Variants in SLC38A8 observed in about 807,000 individuals in gnomAD.
The protein encoded by SLC38A8 is amino acid transporter SLC38A8.
SLC38A8 carries 65 observed loss-of-function variants against 46.0 expected under a neutral mutation model. The ratio of observed to expected loss-of-function variants is 1.41; its 90% CI spans 1.16 to 1.74. SLC38A8 has a LOEUF of 1.74. Ranked by LOEUF, SLC38A8 falls within the 40% of genes most tolerant of loss-of-function variation. The pLI is 0.00. For synonymous variants in SLC38A8, 447 were observed against 243.7 expected (o/e 1.83, Z -7.77); for missense variants, 998 against 567.9 (o/e 1.76, Z -7.70).
chr16:84,014,811 T>C (rs13336403), intron 9 of SLC38A8, among the ~76,000 whole-genome samples: 11,150 of 152,252 alleles, frequency 0.073, 1,350 homozygotes, highest in African/African-American at 0.26. Context: ...CTTTTCATAT[T>C]CCACACATCA....
At chr16:84,014,926 C>T (rs921633207) in intron 9 of SLC38A8, among the ~76,000 whole-genome samples, 14 of 149,924 alleles carry the variant, frequency 9.3e-5, no homozygotes, top group Non-Finnish European at 1.8e-4. Context: ...TTACCTGGGA[C>T]CCTGAACAAT....
chr16:84,011,600 C>T (rs1453965983), intron 10 of SLC38A8, among the ~76,000 whole-genome samples: 4 of 152,210 alleles, frequency 2.6e-5, no homozygotes, highest in African/African-American at 7.2e-5. Flanking sequence ...TTCATGTCTA[C>T]CTGGAACCTG....
chr16:84,020,879 A>T (rs1020508188), intron 7 of SLC38A8, among the ~76,000 whole-genome samples: 1 of 152,150 alleles, frequency 6.6e-6, no homozygotes, highest in Non-Finnish European at 1.5e-5. Flanking sequence ...GCTGCACTCT[A>T]TACGGCCAGG....
intron 2 of SLC38A8, among the ~76,000 whole-genome samples, chr16:84,041,653 G>A (rs1027720259): frequency 1.1e-4 from 16 of 152,160 alleles, no homozygotes; most frequent in Admixed American, 7.9e-4. Context: ...GCAAGAAAGA[G>A]CAGCTGGCCA....
chr16:84,034,454 G>A lies in SLC38A8; in HGVS notation c.389-985C>T, dbSNP rs370482109. 4.3e-3 allele frequency among the ~76,000 whole-genome samples: 651 copies of A among 152,306 alleles called. 5 individuals are homozygous for A. The highest frequency in any genetic ancestry group is 0.014 in the African/African-American group (586 of 41,560). ...AGATGGGGGAGGGGAAAGCACAGGCGAGTGGGAGGGTGGTTGGAGGTGGGA... is the reference window on the plus strand; with the variant it reads ...AGATGGGGGAGGGGAAAGCACAGGCAAGTGGGAGGGTGGTTGGAGGTGGGA... On this transcript the variant is annotated intron_variant, in intron 3 of 10. Transcript: ENST00000299709.
intron 9 of SLC38A8, among the ~76,000 whole-genome samples, chr16:84,013,699 G>C (rs771260293): frequency 6.6e-6 from 1 of 151,198 alleles, no homozygotes; most frequent in Admixed American, 6.6e-5. Context: ...AAAGTGCTGG[G>C]ATTACAGGCA....
rs2085304372 is a variant in SLC38A8 at position 84,036,774 on chromosome 16, C to T, written c.316G>A (p.Ala106Thr). Residue 106 changes from alanine (A) to threonine (T), a missense_variant, in exon 3 of 11, where the codon GCC becomes ACC. Coordinates refer to ENST00000299709, the MANE Select transcript of SLC38A8 (RefSeq NM_001080442.3). ...CGPAIGKLCE[A>T]CFLLNLLMIS... Reference sequence around the variant, plus strand: ...ATGAGCAGGTTGAGGAGGAAGCAGGCCTCACACAGCTTCCCAATGGCAGGG... The same window carrying T: ...ATGAGCAGGTTGAGGAGGAAGCAGGTCTCACACAGCTTCCCAATGGCAGGG... The T allele has an allele frequency of 6.2e-7, 1 of 1,614,096 alleles. No individual in the cohort carries two copies. Among genetic ancestry groups the T allele is most frequent in the Non-Finnish European group, 8.5e-7 (1 of 1,180,042 alleles).
In SLC38A8 at chr16:84,021,202, A is replaced by G. The variant is rs539821912; in HGVS notation, c.805+1573T>C. ...CTCAACCTCCCAAGCAGCTGGGATT[A>G]CAGGTGCCCCGCCACCATGCTCGGC... On this transcript the variant is annotated intron_variant, in intron 7 of 10. Transcript: ENST00000299709. Among the ~76,000 whole-genome samples, 4 of 152,304 alleles carry G rather than the reference A, an allele frequency of 2.6e-5. No individual in the cohort carries two copies. In the East Asian group the frequency reaches 7.7e-4, roughly 29 times the overall value.
chr16:84,041,036 C>T (rs917762524), intron 2 of SLC38A8: 6 of 152,274 alleles, frequency 3.9e-5, no homozygotes, highest in Non-Finnish European at 7.3e-5. Context: ...TGCCGTAAGA[C>T]GTGTGAGAAA....
At chr16:84,022,470 G>A (rs2085106280) in intron 7 of SLC38A8, among the ~76,000 whole-genome samples, 1 of 152,230 alleles carries the variant, frequency 6.6e-6, no homozygotes, top group South Asian at 2.1e-4. Flanking sequence ...TTGAACAGCA[G>A]GCAGCAGGGC....
intron 9 of SLC38A8, among the ~76,000 whole-genome samples, chr16:84,015,248 T>A (rs2085011389): frequency 6.6e-6 from 1 of 152,076 alleles, no homozygotes; most frequent in Non-Finnish European, 1.5e-5. Flanking sequence ...TGTTCTGGGC[T>A]CCAGTGGGCC....
intron 4 of SLC38A8, among the ~76,000 whole-genome samples, chr16:84,032,625 G>C (rs905636331): frequency 6.6e-6 from 1 of 152,232 alleles, no homozygotes; most frequent in Non-Finnish European, 1.5e-5. Context: ...CTTGAGAGGG[G>C]ACAAGCCGCC....
intron 9 of SLC38A8, among the ~76,000 whole-genome samples, chr16:84,013,436 T>TC (rs1266970083): frequency 1.6e-5 from 2 of 126,182 alleles, no homozygotes; most frequent in African/African-American, 5.8e-5. Flanking sequence ...TTTTTTTTTT[T>TC]TTTTTTTTTT....
intron 7 of SLC38A8, among the ~76,000 whole-genome samples, chr16:84,018,200 G>A (rs79526165): frequency 9.5e-5 from 14 of 147,140 alleles, no homozygotes; most frequent in Non-Finnish European, 1.8e-4. Context: ...TAGCAAGGAT[G>A]AGCTCTGACT....
intron 6 of SLC38A8, among the ~76,000 whole-genome samples, chr16:84,028,896 C>T (rs748286144): frequency 1.8e-4 from 28 of 152,164 alleles, no homozygotes; most frequent in Non-Finnish European, 2.6e-4. Flanking sequence ...CCACCTTGAG[C>T]GGACACCTCT....
intron 6 of SLC38A8, among the ~76,000 whole-genome samples, chr16:84,029,037 A>C (rs2085203585): frequency 6.6e-6 from 1 of 151,446 alleles, no homozygotes; most frequent in South Asian, 2.1e-4. Context: ...CAGCTCCTCT[A>C]CCCTGTACCC....
chr16:84,031,997 G>T, intron 4 of SLC38A8, 29 bp from the exon 5 acceptor site: 1 of 1,586,600 alleles, frequency 6.3e-7, no homozygotes. Flanking sequence ...GAGGGGCTGC[G>T]CAGTGGGTGA....
intron 10 of SLC38A8, among the ~76,000 whole-genome samples, chr16:84,012,395 A>C (rs1351518510): frequency 3.3e-5 from 5 of 152,196 alleles, no homozygotes; most frequent in Non-Finnish European, 7.3e-5. Flanking sequence ...TGAAGGAAAG[A>C]TCCAAATTAT....
At chr16:84,015,146 G>A (rs1412146438) in intron 9 of SLC38A8, among the ~76,000 whole-genome samples, 4 of 152,090 alleles carry the variant, frequency 2.6e-5, no homozygotes, top group East Asian at 1.9e-4. Flanking sequence ...GTCCACTCAC[G>A]GAACACGCAC....
Sources: gnomAD v4.1 joint callset for allele counts (sites outside exome capture counted in the v4.1 genomes callset) on GRCh38, gnomAD v4.1.1 for gene constraint, MANE v1.5 for transcripts, NCBI Gene and HGNC (gene_info 2026-07-23, HGNC 2026-07-21) for gene names.